The following WDR45B variants were observed in gnomAD, a reference collection of about 807,000 sequenced individuals.
WDR45B encodes the protein WD repeat domain phosphoinositide-interacting protein 3.
WDR45B carries 20 observed loss-of-function variants against 44.6 expected under a neutral mutation model. That is an observed-to-expected ratio of 0.45 (90% CI 0.32 to 0.65). WDR45B has a LOEUF of 0.65. Ranked by LOEUF, WDR45B falls within the 30% of genes least tolerant of loss-of-function variation. The probability of loss-of-function intolerance (pLI) is 0.05; values close to 1 mark genes in which losing one functional copy is unlikely to be tolerated. For synonymous variants in WDR45B, 169 were observed against 164.9 expected (o/e 1.02, Z -0.19); for missense variants, 323 against 430.2 (o/e 0.75, Z 2.20).
intron 7 of WDR45B, chr17:82,617,602 A>G (rs1054333571): frequency 2.9e-5 from 18 of 610,934 alleles, no homozygotes; most frequent in Admixed American, 2.8e-4. Flanking sequence ...GCCACAATCC[A>G]GTGTATCACG....
chr17:82,639,957 TGCTGGGCTGTGTGTGGGTCGGGAGGGTG>T (rs1483464490), intron 2 of WDR45B, among the ~76,000 whole-genome samples: 1 of 148,384 alleles, frequency 6.7e-6, no homozygotes, highest in African/African-American at 2.5e-5. Flanking sequence ...TCAGGTGGGC[TGCTGGGCTGTGTGTGGGTCGGGAGGGTG>T]GCTGGGCTGT....
chr17:82,619,897 C>T (rs998924208), intron 6 of WDR45B, among the ~76,000 whole-genome samples: 6 of 152,160 alleles, frequency 3.9e-5, no homozygotes, highest in African/African-American at 7.2e-5. Flanking sequence ...CAAGGCTCTG[C>T]GTAATCCCAT....
At position 82,617,216 on chromosome 17, in the gene WDR45B, G is replaced by A. The variant is rs1378141436; in HGVS notation, c.806+80C>T. The A allele has an allele frequency of 3.8e-6, 5 of 1,311,852 alleles. No individual in the cohort carries two copies. In the African/African-American group the frequency reaches 7.3e-5, roughly 19 times the overall value. 81.3% of individuals were successfully genotyped at this position (1,311,852 alleles called of 1,614,324 possible). A position where few individuals can be genotyped will look rare whatever the true frequency, so the allele number is the denominator to read the frequency against. ...GTCCACACCACCCTGCTGGGGTGGG[G>A]GGCCTGTCCCGTCCACACTGAAACA... On this transcript the variant is annotated intron_variant, in intron 8 of 9. Coordinates refer to ENST00000392325, the MANE Select transcript of WDR45B (RefSeq NM_019613.4).
intron 8 of WDR45B, 31 bp downstream of exon 8, chr17:82,617,265 G>A (rs749840211): frequency 6.2e-7 from 1 of 1,602,938 alleles, no homozygotes; most frequent in South Asian, 1.1e-5. Context: ...TCATCCCCCG[G>A]CTTTTCCCCA....
chr17:82,622,204 G>A (rs1474420343), intron 5 of WDR45B, among the ~76,000 whole-genome samples: 1 of 152,176 alleles, frequency 6.6e-6, no homozygotes, highest in Non-Finnish European at 1.5e-5. Flanking sequence ...GGAGGAATAA[G>A]TTAACAGATG....
chr17:82,634,429 A>G (rs1168988109), intron 2 of WDR45B, among the ~76,000 whole-genome samples: 1 of 152,056 alleles, frequency 6.6e-6, no homozygotes, highest in Non-Finnish European at 1.5e-5. Context: ...CGGAGGCTGC[A>G]GTGAGCCGAG....
chr17:82,634,471 G>A (rs113947977), intron 2 of WDR45B, among the ~76,000 whole-genome samples: 25 of 150,374 alleles, frequency 1.7e-4, no homozygotes, highest in Middle Eastern at 3.4e-3. Flanking sequence ...CAGCCTGGGC[G>A]ACAGGGCGAG....
At chr17:82,632,935 G>C (rs747174641) in intron 2 of WDR45B, among the ~76,000 whole-genome samples, 1 of 152,132 alleles carries the variant, frequency 6.6e-6, no homozygotes, top group Non-Finnish European at 1.5e-5. Context: ...TTGGGAGGCT[G>C]AGGCAGGTGG....
chr17:82,629,382 C>T (rs1240459017), intron 3 of WDR45B: 1 of 514,596 alleles, frequency 1.9e-6, no homozygotes. Context: ...AGTCATTCTC[C>T]TGCAAATCCT....
chr17:82,642,406 T>C (rs570992283), intron 2 of WDR45B, among the ~76,000 whole-genome samples: 1 of 152,228 alleles, frequency 6.6e-6, no homozygotes, highest in Non-Finnish European at 1.5e-5. Flanking sequence ...CATCCCCCTA[T>C]GAAAAAAACT....
intron 1 of WDR45B, among the ~76,000 whole-genome samples, chr17:82,645,913 G>A (rs2045969797): frequency 6.6e-6 from 1 of 151,386 alleles, no homozygotes; most frequent in African/African-American, 2.4e-5. Flanking sequence ...ACAGGGTCAG[G>A]AGATCAAGAC....
chr17:82,645,881 G>C (rs1409475724), intron 1 of WDR45B, among the ~76,000 whole-genome samples: 1 of 152,146 alleles, frequency 6.6e-6, no homozygotes, highest in Non-Finnish European at 1.5e-5. Context: ...CCAGCATTTT[G>C]GGCAGCCGAG....
rs143489463 is a variant in WDR45B, at chr17:82,627,245, T to A, written c.291A>T (p.Glu97Asp). The A allele has an allele frequency of 5.0e-6, 8 of 1,613,836 alleles. No individual in the cohort carries two copies. Among genetic ancestry groups the A allele is most frequent in the Middle Eastern group, 1.7e-4 (1 of 5,986 alleles). The change falls in exon 4 of 10, where the codon GAA (glutamate) becomes GAT (aspartate). Residue 97 changes from glutamate (E) to aspartate (D), a missense_variant. Glu to Asp is a conservative substitution (Grantham distance 45). Transcript: ENST00000392325. Reference sequence around the variant, plus strand: ...TGACTGCCTTGACTTCTGTAGAAAATTCTATTTCAATAACAGTCTTCTTCT... The same window carrying A: ...TGACTGCCTTGACTTCTGTAGAAAAATCTATTTCAATAACAGTCTTCTTCT... ...DLKKKTVIEIEFSTEVKAVKL... is the reference protein window; with the variant it reads ...DLKKKTVIEIDFSTEVKAVKL...
At chr17:82,639,797 G>A (rs2045886340) in intron 2 of WDR45B, among the ~76,000 whole-genome samples, 1 of 149,622 alleles carries the variant, frequency 6.7e-6, no homozygotes, top group Non-Finnish European at 1.5e-5. Flanking sequence ...GGGGTCGGGA[G>A]GGCTGCTGGG....
Position 82,627,288 on chromosome 17 carries a change from A to G in WDR45B, c.248T>C (p.Met83Thr). Residue 83 changes from methionine to threonine, a missense_variant, in exon 4 of 10, where the codon ATG becomes ACG. Coordinates refer to ENST00000392325, the MANE Select transcript of WDR45B (RefSeq NM_019613.4). Reference sequence around the variant, plus strand: ...CTTCTTCTTCAGGTCATCCCAGATCATTACTGAAATATCAGAAAGAAAAGA... The same window carrying G: ...CTTCTTCTTCAGGTCATCCCAGATCGTTACTGAAATATCAGAAAGAAAAGA... Reference protein sequence around the residue: ...KKPKYPPNKVMIWDDLKKKTV... With the variant: ...KKPKYPPNKVTIWDDLKKKTV... 1 of 1,609,696 alleles carries G rather than the reference A, an allele frequency of 6.2e-7. No individual in the cohort carries two copies. The highest frequency in any genetic ancestry group is 1.1e-5 in the South Asian group (1 of 91,050).
chr17:82,640,969 G>GTTTT (rs398031785), intron 2 of WDR45B, among the ~76,000 whole-genome samples: 7,689 of 131,756 alleles, frequency 0.058, 655 homozygotes, highest in African/African-American at 0.15. Flanking sequence ...TCTTGTCTGG[G>GTTTT]TTTTTTTTTT....
intron 2 of WDR45B, among the ~76,000 whole-genome samples, chr17:82,635,422 T>C (rs1313543543): frequency 1.4e-5 from 2 of 144,406 alleles, no homozygotes; most frequent in Non-Finnish European, 3.0e-5. Context: ...ATAAGTCTTT[T>C]CAGGTTTTTT....
intron 4 of WDR45B, chr17:82,626,831 G>A (rs937901160): frequency 3.0e-5 from 9 of 301,542 alleles, no homozygotes; most frequent in Middle Eastern, 2.4e-3. Context: ...AACCTTTATT[G>A]AGAGGCAGCA....
intron 2 of WDR45B, among the ~76,000 whole-genome samples, chr17:82,633,752 C>T (rs1233377937): frequency 6.6e-6 from 1 of 152,152 alleles, no homozygotes; most frequent in Non-Finnish European, 1.5e-5. Context: ...AGCTCACTCA[C>T]ACCTATAATC....
Sources: allele counts gnomAD v4.1 joint callset (sites outside exome capture counted in the v4.1 genomes callset), GRCh38; gene constraint gnomAD v4.1.1; transcripts MANE v1.5; gene names NCBI Gene and HGNC (gene_info 2026-07-23, HGNC 2026-07-21).